Variants in CACNA1C observed in about 807,000 individuals in gnomAD.
CACNA1C encodes the protein calcium voltage-gated channel subunit alpha1 C.
A neutral mutation model predicts 229.0 loss-of-function variants in CACNA1C; 30 were observed. The ratio of observed to expected loss-of-function variants is 0.13; its 90% CI spans 0.10 to 0.18. CACNA1C has a LOEUF of 0.18. Ranked by LOEUF, CACNA1C falls within the 10% of genes least tolerant of loss-of-function variation. The probability of loss-of-function intolerance (pLI) is 1.00; values close to 1 mark genes in which losing one functional copy is unlikely to be tolerated. For missense variants in CACNA1C, 1,658 were observed against 2,845.0 expected (o/e 0.58, Z 9.49); for synonymous variants, 1,114 against 1,132.5 (o/e 0.98, Z 0.33).
intron 9 of CACNA1C, among the ~76,000 whole-genome samples, chr12:2,528,549 G>A (rs2099831907): frequency 6.6e-6 from 1 of 152,192 alleles, no homozygotes; most frequent in Non-Finnish European, 1.5e-5. Flanking sequence ...CCCACCATCT[G>A]CCTTCCGAAC....
chr12:2,361,306 T>A (rs963899506), intron 3 of CACNA1C, among the ~76,000 whole-genome samples: 3 of 152,200 alleles, frequency 2.0e-5, no homozygotes, highest in African/African-American at 7.2e-5. Context: ...GCCTTCCTCC[T>A]TAGTAACTAA....
chr12:2,303,513 C>T (rs1464294970), intron 3 of CACNA1C, among the ~76,000 whole-genome samples: 1 of 152,134 alleles, frequency 6.6e-6, no homozygotes, highest in African/African-American at 2.4e-5. Context: ...ACCCGTAACC[C>T]CAGCACTTTT....
intron 3 of CACNA1C, among the ~76,000 whole-genome samples, chr12:2,240,592 A>G (rs2069567353): frequency 6.6e-6 from 1 of 152,210 alleles, no homozygotes; most frequent in Non-Finnish European, 1.5e-5. Flanking sequence ...GAGACATTTC[A>G]TAAGATCTGG....
chr12:2,274,636 T>C (rs1488894182), intron 3 of CACNA1C, among the ~76,000 whole-genome samples: 1 of 152,202 alleles, frequency 6.6e-6, no homozygotes, highest in East Asian at 1.9e-4. Flanking sequence ...TGTATCCTGT[T>C]TTCACATGAG....
intron 1 of CACNA1C, among the ~76,000 whole-genome samples, chr12:1,989,860 A>G (rs1364960499): frequency 6.6e-6 from 1 of 152,260 alleles, no homozygotes; most frequent in East Asian, 1.9e-4. Flanking sequence ...ATATGGGAAT[A>G]TTACAAAAGA....
At chr12:2,392,685 C>T (rs1033260192) in intron 3 of CACNA1C, among the ~76,000 whole-genome samples, 3 of 152,218 alleles carry the variant, frequency 2.0e-5, no homozygotes, top group African/African-American at 7.2e-5. Context: ...ATTCTGCATA[C>T]AGCGGGACCT....
In CACNA1C at chr12:2,285,570, C is replaced by T. The variant is rs369136580; in HGVS notation, c.478-163406C>T. On this transcript the variant is annotated intron_variant, in intron 3 of 46. Transcript: ENST00000399655. The surrounding 1 kb of genome is among the most constrained non-coding windows in gnomAD (Gnocchi z 4.2). The stretch of plus-strand genomic sequence containing the variant: ...TCCTTAAACACCTCCTCATCCCAGA[C>T]GGGTTGACTTTCAATGAGAGGACTC... Among the ~76,000 whole-genome samples, 126 of 152,242 alleles carry T rather than the reference C, an allele frequency of 8.3e-4. 1 individual carries two copies. In the South Asian group the frequency reaches 0.023, roughly 28 times the overall value.
At chr12:2,492,549 T>C (rs1387349740) in intron 6 of CACNA1C, among the ~76,000 whole-genome samples, 1 of 152,260 alleles carries the variant, frequency 6.6e-6, no homozygotes. Context: ...CGGCTGCAGG[T>C]GATCCCTCTC....
intron 30 of CACNA1C, among the ~76,000 whole-genome samples, chr12:2,642,032 G>T (rs943973497): frequency 6.6e-6 from 1 of 152,160 alleles, no homozygotes; most frequent in Non-Finnish European, 1.5e-5. Context: ...CAGACAGAGA[G>T]ACGGGCCTGA....
chr12:2,213,839 C>G (rs2059300546), intron 3 of CACNA1C, among the ~76,000 whole-genome samples: 1 of 152,228 alleles, frequency 6.6e-6, no homozygotes, highest in Admixed American at 6.5e-5. Context: ...TCGCACTGCC[C>G]CTCCTCCCGC....
intron 43 of CACNA1C, among the ~76,000 whole-genome samples, chr12:2,683,115 AG>A (rs1240323724): frequency 1.3e-5 from 2 of 152,180 alleles, no homozygotes; most frequent in African/African-American, 4.8e-5. Flanking sequence ...CTGGTGGCAA[AG>A]CCAGGCCTGA....
At chr12:2,300,506 G>T (rs2094470270) in intron 3 of CACNA1C, among the ~76,000 whole-genome samples, 1 of 152,094 alleles carries the variant, frequency 6.6e-6, no homozygotes, top group Non-Finnish European at 1.5e-5. Context: ...TGCACCTGTT[G>T]TTCTAGCTAC....
intron 1 of CACNA1C, among the ~76,000 whole-genome samples, chr12:2,066,060 G>C (rs981318963): frequency 6.6e-6 from 1 of 152,086 alleles, no homozygotes; most frequent in Non-Finnish European, 1.5e-5. Context: ...GCAGGCTAGA[G>C]GATAAGGTAG....
Position 2,512,176 on chromosome 12 carries a change from C to T in CACNA1C, c.1218-636C>T, listed in dbSNP as rs1228696436. On this transcript the variant is annotated intron_variant, in intron 8 of 46. Transcript: ENST00000399655. This position sits in a 1 kb window ranked among gnomAD's most constrained non-coding sequence, Gnocchi z 4.3. Reference sequence around the variant, plus strand: ...TGGTAAATATTTAACAATTGGCTCTCTATGGGGAAAGCCCTGGTTTTCAGC... The same window carrying T: ...TGGTAAATATTTAACAATTGGCTCTTTATGGGGAAAGCCCTGGTTTTCAGC... Among the ~76,000 whole-genome samples the T allele has an allele frequency of 6.6e-6, 1 of 152,160 alleles. No individual in the cohort carries two copies. The highest frequency in any genetic ancestry group is 1.5e-5 in the Non-Finnish European group (1 of 68,042).
At chr12:2,673,091 T>C (rs2096635341) in intron 38 of CACNA1C, among the ~76,000 whole-genome samples, 1 of 152,244 alleles carries the variant, frequency 6.6e-6, no homozygotes, top group Non-Finnish European at 1.5e-5. Context: ...ACCACAATAC[T>C]GGACTGCCGG....
chr12:2,015,340 CT>C (rs2045169333), intron 1 of CACNA1C, among the ~76,000 whole-genome samples: 1 of 152,184 alleles, frequency 6.6e-6, no homozygotes. Context: ...CCCAAGTTTT[CT>C]GTAGTGGAGG....
At position 2,680,384 on chromosome 12, in the gene CACNA1C, G is replaced by A. The variant is rs1231754764; in HGVS notation, c.5444+588G>A. 5.8e-6 allele frequency: 9 copies of A among 1,557,054 alleles called. No individual in the cohort carries two copies. The South Asian group carries it at 8.3e-5, about 14-fold the overall frequency. ...CTAGGATGCACTGCTGTGACATGCT[G>A]GATGGTGGGACCTTCCCTCCCGCCC... is the stretch of plus-strand genomic sequence containing the variant. On this transcript the variant is annotated intron_variant, in intron 42 of 46. Transcript: ENST00000399655.
At chr12:2,500,091 C>T (rs1020534799) in intron 7 of CACNA1C, among the ~76,000 whole-genome samples, 1 of 152,206 alleles carries the variant, frequency 6.6e-6, no homozygotes, top group Non-Finnish European at 1.5e-5. Flanking sequence ...GTTCTGAGGA[C>T]CACCCTGGCC....
chr12:2,566,304 G>A lies in CACNA1C; in HGVS notation c.1509-118G>A. 1 of 927,944 alleles carries A rather than the reference G, an allele frequency of 1.1e-6. No homozygotes were observed. Among genetic ancestry groups the A allele is most frequent in the East Asian group, 2.8e-5 (1 of 36,354 alleles). The allele number at this position is 927,944 out of a possible 1,614,324, so 57.5% of individuals were successfully genotyped here. A position where few individuals can be genotyped will look rare whatever the true frequency, so the allele number is the denominator to read the frequency against. On this transcript the variant is annotated intron_variant, in intron 11 of 46. Transcript: ENST00000399655. This position sits in a 1 kb window ranked among gnomAD's most constrained non-coding sequence, Gnocchi z 4.0. ...GCTGGGCTCCTTGCCACCAGATTGG[G>A]CTGCTCTAGCAAGGCCAGATCAGTG... is the stretch of plus-strand genomic sequence containing the variant.
Sources: gnomAD v4.1 joint callset for allele counts (sites outside exome capture counted in the v4.1 genomes callset) on GRCh38, gnomAD v4.1.1 for gene constraint, Gnocchi (gnomAD v3.1) non-coding constraint, MANE v1.5 for transcripts, NCBI Gene and HGNC (gene_info 2026-07-23, HGNC 2026-07-21) for gene names.